ADAMTSL3: variants seen among roughly 807,000 people sequenced by gnomAD.
The protein encoded by ADAMTSL3 is ADAMTS like 3.
A neutral mutation model predicts 201.7 loss-of-function variants in ADAMTSL3; 128 were observed. The observed-to-expected ratio is 0.63, with a 90% CI of 0.55 to 0.73. The LOEUF (loss-of-function observed/expected upper bound fraction) is 0.73. Ranked by LOEUF, ADAMTSL3 falls within the 30% of genes least tolerant of loss-of-function variation. ADAMTSL3 has a pLI of 0.00. For synonymous variants in ADAMTSL3, 738 were observed against 748.4 expected, an observed-to-expected ratio of 0.99 and a Z score of 0.23; for missense variants, 1,990 against 2,119.6, an observed-to-expected ratio of 0.94 and a Z score of 1.20.
At chr15:83,890,312 A>G in intron 11 of ADAMTSL3, 65 bp downstream of exon 11, 1 of 1,579,732 alleles carries the variant, frequency 6.3e-7, no homozygotes, top group South Asian at 1.2e-5. Context: ...ACTGAGACTG[A>G]TCAATCTTTG....
chr15:84,021,162 G>C (rs764474802), intron 25 of ADAMTSL3, among the ~76,000 whole-genome samples: 2 of 152,138 alleles, frequency 1.3e-5, no homozygotes, highest in African/African-American at 4.8e-5. Flanking sequence ...CCAGCTGGCC[G>C]ATGATAGTCC....
chr15:83,768,041 C>T (rs949130709), intron 3 of ADAMTSL3, among the ~76,000 whole-genome samples: 2 of 151,994 alleles, frequency 1.3e-5, no homozygotes, highest in Non-Finnish European at 2.9e-5. Context: ...GTATTCTGGG[C>T]CAAAACCAAC....
At chr15:83,903,941 A>AGGGAGGGAGGGAGGGAGGGAGGGAGGGG (rs1169857497) in intron 15 of ADAMTSL3, among the ~76,000 whole-genome samples, 1 of 33,878 alleles carries the variant, frequency 3.0e-5, no homozygotes, top group Non-Finnish European at 4.8e-5. Flanking sequence ...AAAAAAAAAA[A>AGGGAGGGAGGGAGGGAGGGAGGGAGGGG]AAAGAAAAAA....
intron 2 of ADAMTSL3, among the ~76,000 whole-genome samples, chr15:83,678,441 C>G (rs1042223498): frequency 2.6e-5 from 4 of 151,156 alleles, no homozygotes; most frequent in Non-Finnish European, 4.4e-5. Flanking sequence ...TTTTTTAGCA[C>G]TTGAAACACG....
At chr15:84,006,569 CT>C (rs1235580341) in intron 23 of ADAMTSL3, among the ~76,000 whole-genome samples, 2 of 152,098 alleles carry the variant, frequency 1.3e-5, no homozygotes, top group Non-Finnish European at 2.9e-5. Flanking sequence ...CGGCTCTGAA[CT>C]TTTTTCCACA....
At chr15:83,715,811 GT>G (rs2062009616) in intron 3 of ADAMTSL3, among the ~76,000 whole-genome samples, 1 of 152,150 alleles carries the variant, frequency 6.6e-6, no homozygotes, top group Non-Finnish European at 1.5e-5. Context: ...TGTGTGCCCT[GT>G]GCTCTGGCCA....
At chr15:83,942,452 T>A (rs777035059) in intron 17 of ADAMTSL3, 144 bp from the exon 18 acceptor site, 44 of 660,116 alleles carry the variant, frequency 6.7e-5, no homozygotes, top group Non-Finnish European at 1.1e-4. Context: ...TTGCGTATAT[T>A]GATGGAGATG....
At chr15:83,731,198 G>A (rs906504787) in intron 3 of ADAMTSL3, among the ~76,000 whole-genome samples, 10 of 151,894 alleles carry the variant, frequency 6.6e-5, no homozygotes, top group South Asian at 4.1e-4. Flanking sequence ...ATTTGAAATC[G>A]GGAAGTATAG....
At chr15:83,997,881 C>G (rs931881201) in intron 23 of ADAMTSL3, among the ~76,000 whole-genome samples, 2 of 152,038 alleles carry the variant, frequency 1.3e-5, no homozygotes, top group Non-Finnish European at 2.9e-5. Flanking sequence ...TCCTGAAATT[C>G]TATCTTGGAC....
chr15:83,851,856 C>T (rs1199395742), intron 7 of ADAMTSL3, among the ~76,000 whole-genome samples: 4 of 152,048 alleles, frequency 2.6e-5, no homozygotes, highest in African/African-American at 7.2e-5. Context: ...TCAAATGGCA[C>T]AGAAGGATAT....
At chr15:83,853,303 G>A (rs980923971) in intron 7 of ADAMTSL3, among the ~76,000 whole-genome samples, 2 of 151,732 alleles carry the variant, frequency 1.3e-5, no homozygotes, top group African/African-American at 4.8e-5. Flanking sequence ...ATTTCTTCTT[G>A]ATTTCCAATG....
intron 2 of ADAMTSL3, among the ~76,000 whole-genome samples, chr15:83,656,093 G>T (rs1220054391): frequency 6.6e-6 from 1 of 152,196 alleles, no homozygotes; most frequent in African/African-American, 2.4e-5. Context: ...CTGGGGCTGT[G>T]ATGGACCCTG....
intron 23 of ADAMTSL3, among the ~76,000 whole-genome samples, chr15:84,004,783 G>GGGT (rs2067863460): frequency 1.3e-5 from 2 of 152,194 alleles, no homozygotes; most frequent in African/African-American, 4.8e-5. Flanking sequence ...ATTTTGAGAT[G>GGGT]CGTCTTTAAG....
At chr15:83,797,235 A>G (rs973621359) in intron 4 of ADAMTSL3, among the ~76,000 whole-genome samples, 2 of 152,242 alleles carry the variant, frequency 1.3e-5, no homozygotes, top group African/African-American at 4.8e-5. Flanking sequence ...GGCAAAGAAT[A>G]TGAACAGGAA....
intron 28 of ADAMTSL3, 75 bp downstream of exon 28, chr15:84,031,507 T>C: frequency 7.5e-7 from 1 of 1,338,006 alleles, no homozygotes; most frequent in Non-Finnish European, 1.1e-6. Context: ...TGCCTGAAAA[T>C]GGAATCCTTT....
At chr15:83,792,343 C>T (rs72746937) in intron 4 of ADAMTSL3, among the ~76,000 whole-genome samples, 13,350 of 152,098 alleles carry the variant, frequency 0.088, 723 homozygotes, top group East Asian at 0.24. Flanking sequence ...AATGAGGTAT[C>T]ATCTCACACC....
intron 7 of ADAMTSL3, among the ~76,000 whole-genome samples, chr15:83,857,368 C>T (rs1459656309): frequency 6.6e-6 from 1 of 152,104 alleles, no homozygotes. Flanking sequence ...CTTTTAGTGT[C>T]ATATCCAAGA....
chr15:83,908,927 T>A (rs2065887639), intron 15 of ADAMTSL3, among the ~76,000 whole-genome samples: 1 of 152,216 alleles, frequency 6.6e-6, no homozygotes, highest in Non-Finnish European at 1.5e-5. Context: ...CTCATTTGAA[T>A]AATTGGCAGA....
At chr15:83,980,064 C>A (rs1360829611) in intron 20 of ADAMTSL3, among the ~76,000 whole-genome samples, 1 of 152,082 alleles carries the variant, frequency 6.6e-6, no homozygotes, top group Non-Finnish European at 1.5e-5. Context: ...GTGATTCTAA[C>A]AAATAGCAAA....
Sources: allele counts gnomAD v4.1 joint callset (sites outside exome capture counted in the v4.1 genomes callset), GRCh38; gene constraint gnomAD v4.1.1; transcripts MANE v1.5; gene names NCBI Gene and HGNC (gene_info 2026-07-23, HGNC 2026-07-21).